The following RTL4 variants were observed in gnomAD, a reference collection of about 807,000 sequenced individuals.
RTL4 encodes the protein retrotransposon Gag-like protein 4.
A neutral mutation model predicts 5.3 loss-of-function variants in RTL4; 4 were observed. The ratio of observed to expected loss-of-function variants is 0.75; its 90% CI spans 0.37 to 1.72. The LOEUF is 1.72. Among genes scored for constraint, RTL4 ranks in the 40% most tolerant of loss-of-function variants. The probability of loss-of-function intolerance (pLI) is 0.04; values close to 1 mark genes in which losing one functional copy is unlikely to be tolerated. For synonymous variants in RTL4, 98 were observed against 87.3 expected, an observed-to-expected ratio of 1.12 and a Z score of -0.68; for missense variants, 260 against 227.1, an observed-to-expected ratio of 1.14 and a Z score of -0.93.
chrX:112,248,224 T>C, the RTL4 span, among the ~76,000 whole-genome samples: 2 of 112,282 alleles, frequency 1.8e-5, no homozygotes, highest in African/African-American at 6.5e-5. Flanking sequence ...GTAGATTCTT[T>C]CTATAGTCTC....
chrX:112,233,119 G>A, the RTL4 span, among the ~76,000 whole-genome samples: 3 of 111,694 alleles, frequency 2.7e-5, no homozygotes, highest in Non-Finnish European at 5.6e-5. Context: ...GGGAGAACAG[G>A]CTTCATCTCC....
chrX:112,373,207 T>A, the RTL4 span, among the ~76,000 whole-genome samples: 1 of 111,600 alleles, frequency 9.0e-6, no homozygotes, highest in Non-Finnish European at 1.9e-5. Flanking sequence ...ACATTCAACT[T>A]TAGAGCACAT....
At chrX:112,304,639 C>CTTTTT in the RTL4 span, among the ~76,000 whole-genome samples, 2 of 48,360 alleles carry the variant, frequency 4.1e-5, no homozygotes, top group Admixed American at 3.1e-4. Flanking sequence ...TTTCCCACAT[C>CTTTTT]TTTTTTTTTT....
At chrX:112,268,642 AAG>A in the RTL4 span, among the ~76,000 whole-genome samples, 1 of 111,567 alleles carries the variant, frequency 9.0e-6, no homozygotes, top group Non-Finnish European at 1.9e-5. Flanking sequence ...AAACTGGATA[AAG>A]AGGTGTTTTT....
chrX:112,159,988 C>T, the RTL4 span, among the ~76,000 whole-genome samples: 1 of 111,695 alleles, frequency 9.0e-6, no homozygotes, highest in African/African-American at 3.3e-5. Context: ...TTCCTCCTCA[C>T]ATCTACCTCT....
At chrX:112,341,582 C>T in the RTL4 span, among the ~76,000 whole-genome samples, 1 of 111,562 alleles carries the variant, frequency 9.0e-6, no homozygotes, top group African/African-American at 3.3e-5. Context: ...ATTTGGTGGC[C>T]TGTATAGATA....
At chrX:112,433,219 T>C in the RTL4 span, among the ~76,000 whole-genome samples, 1 of 111,008 alleles carries the variant, frequency 9.0e-6, no homozygotes, top group African/African-American at 3.3e-5. Flanking sequence ...ATGCGGGCTG[T>C]TTTTTGGTTC....
the RTL4 span, among the ~76,000 whole-genome samples, chrX:112,328,029 C>T: frequency 8.6e-4 from 92 of 107,463 alleles, no homozygotes; most frequent in Middle Eastern, 0.018. Flanking sequence ...AAAGGAACAA[C>T]CGGTACCAGC....
At chrX:112,348,089 C>G in the RTL4 span, among the ~76,000 whole-genome samples, 1 of 111,202 alleles carries the variant, frequency 9.0e-6, no homozygotes, top group South Asian at 3.7e-4. Flanking sequence ...TAAGTCGAAT[C>G]TTACAGAGCA....
chrX:112,177,413 T>C, the RTL4 span, among the ~76,000 whole-genome samples: 1 of 111,693 alleles, frequency 9.0e-6, no homozygotes, highest in Admixed American at 9.5e-5. Flanking sequence ...TAATTTGCAT[T>C]TTCCTGATGA....
chrX:112,325,568 G>T, the RTL4 span, among the ~76,000 whole-genome samples: 126 of 112,184 alleles, frequency 1.1e-3, 2 homozygotes, highest in East Asian at 0.022. Flanking sequence ...CCCTATTTAA[G>T]AAATGGTGCT....
the RTL4 span, among the ~76,000 whole-genome samples, chrX:112,426,002 C>T: frequency 9.0e-6 from 1 of 111,536 alleles, no homozygotes; most frequent in Non-Finnish European, 1.9e-5. Context: ...AAAGTCATCG[C>T]CATATCCAAG....
chrX:112,337,938 T>C, the RTL4 span, among the ~76,000 whole-genome samples: 1 of 111,673 alleles, frequency 9.0e-6, no homozygotes, highest in Admixed American at 9.5e-5. Flanking sequence ...CTTATTTCCT[T>C]CTTATACTTC....
chrX:112,168,323 G>C, the RTL4 span, among the ~76,000 whole-genome samples: 1 of 111,753 alleles, frequency 8.9e-6, no homozygotes, highest in Non-Finnish European at 1.9e-5. Flanking sequence ...TGACATTTTT[G>C]GTGGCCAGGA....
the RTL4 span, among the ~76,000 whole-genome samples, chrX:112,157,844 C>T: frequency 8.9e-6 from 1 of 111,972 alleles, no homozygotes; most frequent in East Asian, 2.8e-4. Flanking sequence ...GACCTTGGAC[C>T]TTCCTTTAAA....
At chrX:112,152,368 G>A in the RTL4 span, among the ~76,000 whole-genome samples, 3 of 111,920 alleles carry the variant, frequency 2.7e-5, no homozygotes, top group African/African-American at 9.7e-5. Flanking sequence ...AAACTCAATG[G>A]AAGTTTGTAT....
chrX:112,087,932 A>C, the RTL4 span, among the ~76,000 whole-genome samples: 1 of 111,131 alleles, frequency 9.0e-6, no homozygotes, highest in South Asian at 3.8e-4. Flanking sequence ...AAACTATACA[A>C]TTTAGTGACA....
At chrX:112,352,443 A>T in the RTL4 span, among the ~76,000 whole-genome samples, 95 of 111,915 alleles carry the variant, frequency 8.5e-4, no homozygotes, top group African/African-American at 3.1e-3. Flanking sequence ...CTACAAGGCT[A>T]CAGTAACCAA....
At chrX:112,190,849 C>T in the RTL4 span, among the ~76,000 whole-genome samples, 1 of 111,732 alleles carries the variant, frequency 8.9e-6, no homozygotes, top group African/African-American at 3.3e-5. Flanking sequence ...TGTGGTTAGT[C>T]GCTGACATGG....
Sources: allele counts gnomAD v4.1 joint callset (sites outside exome capture counted in the v4.1 genomes callset), GRCh38; gene constraint gnomAD v4.1.1; transcripts MANE v1.5; gene names NCBI Gene and HGNC (gene_info 2026-07-23, HGNC 2026-07-21).